The following ZFPM2 variants were observed in gnomAD, a reference collection of about 807,000 sequenced individuals.
ZFPM2 encodes the protein zinc finger protein ZFPM2.
A neutral mutation model predicts 98.6 loss-of-function variants in ZFPM2; 20 were observed. The ratio of observed to expected loss-of-function variants is 0.20; its 90% confidence interval spans 0.14 to 0.29. ZFPM2 has a LOEUF of 0.29. ZFPM2 is among the 10% of genes least tolerant of loss of function. ZFPM2 has a pLI of 1.00. For synonymous variants in ZFPM2, 518 were observed against 502.7 expected, an observed-to-expected ratio of 1.03 and a Z score of -0.41; for missense variants, 1,310 against 1,388.6, an observed-to-expected ratio of 0.94 and a Z score of 0.90.
intron 3 of ZFPM2, among the ~76,000 whole-genome samples, chr8:105,484,076 G>C (rs1686519995): frequency 6.6e-6 from 1 of 151,838 alleles, no homozygotes; most frequent in South Asian, 2.1e-4. Context: ...TTGATGTTCT[G>C]CAGTTGCATA....
rs1443883954 is a variant in ZFPM2, at chr8:105,499,253, A to G, written c.301+54872A>G. ...TAAGGGCATCTCTTCTAGATTCCAG[A>G]AAAAAAAAAAAAGGGTGGAGCTGGG... is the stretch of plus-strand genomic sequence containing the variant. On this transcript the variant is annotated intron_variant, in intron 3 of 7. Transcript: ENST00000407775. Among the ~76,000 whole-genome samples the G allele has an allele frequency of 2.1e-5, 3 of 143,088 alleles. No individual in the cohort carries two copies. The South Asian group carries it at 6.6e-4, about 32-fold the overall frequency. The allele number at this position is 143,088 out of a possible 152,430, so 93.9% of individuals were successfully genotyped here. A position where few individuals can be genotyped will look rare whatever the true frequency, so the allele number is the denominator to read the frequency against.
intron 3 of ZFPM2, among the ~76,000 whole-genome samples, chr8:105,492,241 A>G (rs1813369753): frequency 6.6e-6 from 1 of 152,172 alleles, no homozygotes; most frequent in Admixed American, 6.5e-5. Context: ...CCACAACTGC[A>G]TCCATTGTTT....
chr8:105,540,029 G>A (rs370132521), intron 3 of ZFPM2, among the ~76,000 whole-genome samples: 61 of 151,930 alleles, frequency 4.0e-4, no homozygotes, highest in Admixed American at 1.6e-3. Flanking sequence ...TTTTACTTTG[G>A]ATTATTATAT....
chr8:105,501,732 G>A (rs1277995937), intron 3 of ZFPM2, among the ~76,000 whole-genome samples: 2 of 151,912 alleles, frequency 1.3e-5, no homozygotes, highest in African/African-American at 4.8e-5. Flanking sequence ...TGATCCACCC[G>A]CCTCAGCCTC....
At chr8:105,335,044 CT>C (rs1240068488) in intron 1 of ZFPM2, among the ~76,000 whole-genome samples, 1 of 151,614 alleles carries the variant, frequency 6.6e-6, no homozygotes, top group Non-Finnish European at 1.5e-5. Context: ...TAAATACCCC[CT>C]GATAATTATG....
At chr8:105,441,353 A>G (rs1316328439) in intron 2 of ZFPM2, among the ~76,000 whole-genome samples, 4 of 151,038 alleles carry the variant, frequency 2.6e-5, no homozygotes, top group Non-Finnish European at 5.9e-5. Flanking sequence ...TATGGAGGGA[A>G]TTTCATTGGT....
chr8:105,760,399 G>T (rs1414614975), intron 5 of ZFPM2, among the ~76,000 whole-genome samples: 1 of 151,986 alleles, frequency 6.6e-6, no homozygotes, highest in Non-Finnish European at 1.5e-5. Flanking sequence ...AACCAACTCT[G>T]CACTTAAAAC....
At chr8:105,685,956 G>A (rs147129372) in intron 5 of ZFPM2, among the ~76,000 whole-genome samples, 2 of 152,184 alleles carry the variant, frequency 1.3e-5, no homozygotes, top group African/African-American at 4.8e-5. Context: ...GAAGCTTTGT[G>A]TGATATATAA....
chr8:105,577,979 T>C (rs931570254), intron 4 of ZFPM2, among the ~76,000 whole-genome samples: 3 of 152,140 alleles, frequency 2.0e-5, no homozygotes, highest in African/African-American at 7.2e-5. Context: ...GAATTAGGGA[T>C]ACTGAATCTT....
rs933675717 is a variant in ZFPM2, at chr8:105,319,004, G to C, written c.40+23G>C. 2.0e-6 allele frequency: 3 copies of C among 1,497,110 alleles called. No homozygotes were observed. The Admixed American group carries it at 6.4e-5, about 32-fold the overall frequency. 92.7% of individuals were successfully genotyped at this position (1,497,110 alleles called of 1,614,324 possible). A position where few individuals can be genotyped will look rare whatever the true frequency, so the allele number is the denominator to read the frequency against. On this transcript the variant is annotated intron_variant, in intron 1 of 7. Transcript: ENST00000407775. Reference sequence around the variant, plus strand: ...AACGTAAGTTTGCGCGCGGGGCCGGGAGTTGGTGGGATTATTGCCCAGGAG... The same window carrying C: ...AACGTAAGTTTGCGCGCGGGGCCGGCAGTTGGTGGGATTATTGCCCAGGAG...
chr8:105,593,959 T>G (rs973994379), intron 4 of ZFPM2, among the ~76,000 whole-genome samples: 6 of 152,148 alleles, frequency 3.9e-5, no homozygotes, highest in Non-Finnish European at 8.8e-5. Context: ...GCCTGGAGTC[T>G]TAACAGTGCT....
At chr8:105,487,937 GCTAGCTAGCTAGCTAT>G (rs1265597898) in intron 3 of ZFPM2, among the ~76,000 whole-genome samples, 2 of 66,600 alleles carry the variant, frequency 3.0e-5, no homozygotes, top group Non-Finnish European at 7.6e-5. Context: ...TATCTAGCTA[GCTAGCTAGCTAGCTAT>G]CTGTCATGTC....
At chr8:105,437,509 C>T (rs948212693) in intron 2 of ZFPM2, among the ~76,000 whole-genome samples, 9 of 152,122 alleles carry the variant, frequency 5.9e-5, no homozygotes, top group Admixed American at 2.0e-4. Context: ...CTATCAGATA[C>T]GGGATGAGAA....
At chr8:105,699,877 G>A (rs546278987) in intron 5 of ZFPM2, among the ~76,000 whole-genome samples, 1 of 152,100 alleles carries the variant, frequency 6.6e-6, no homozygotes, top group South Asian at 2.1e-4. Context: ...TTTCATTATT[G>A]TTTATGATAA....
At chr8:105,651,207 C>G (rs1277931573) in intron 5 of ZFPM2, among the ~76,000 whole-genome samples, 1 of 151,946 alleles carries the variant, frequency 6.6e-6, no homozygotes, top group Non-Finnish European at 1.5e-5. Flanking sequence ...CTTTGACTAC[C>G]TCATTTATAT....
At chr8:105,621,257 G>T (rs1251963898) in intron 4 of ZFPM2, among the ~76,000 whole-genome samples, 3 of 152,048 alleles carry the variant, frequency 2.0e-5, no homozygotes, top group African/African-American at 4.8e-5. Context: ...CTTGTAAGTT[G>T]GATTCCTAGG....
intron 5 of ZFPM2, among the ~76,000 whole-genome samples, chr8:105,661,021 A>G (rs1321653707): frequency 6.6e-6 from 1 of 152,194 alleles, no homozygotes; most frequent in Non-Finnish European, 1.5e-5. Context: ...TAAAAGGTGC[A>G]TGGGGACATG....
At chr8:105,597,200 A>T (rs1056242119) in intron 4 of ZFPM2, among the ~76,000 whole-genome samples, 5 of 152,132 alleles carry the variant, frequency 3.3e-5, no homozygotes, top group African/African-American at 1.2e-4. Context: ...TTAAAATCAC[A>T]GAATATCAGT....
intron 1 of ZFPM2, among the ~76,000 whole-genome samples, chr8:105,399,320 C>T (rs1811287723): frequency 6.6e-6 from 1 of 152,042 alleles, no homozygotes; most frequent in South Asian, 2.1e-4. Context: ...ACTGCATTAG[C>T]TCTGGTGAAA....
Sources: gnomAD v4.1 joint callset for allele counts (sites outside exome capture counted in the v4.1 genomes callset) on GRCh38, gnomAD v4.1.1 for gene constraint, MANE v1.5 for transcripts, NCBI Gene and HGNC (gene_info 2026-07-23, HGNC 2026-07-21) for gene names.